Variants in TSPAN9 observed in about 807,000 individuals in gnomAD.
The protein encoded by TSPAN9 is tetraspanin-9.
Under a neutral mutation model 31.0 loss-of-function variants are expected in TSPAN9, and 16 were observed. That is an observed-to-expected ratio of 0.52 (90% CI 0.35 to 0.78). TSPAN9 has a LOEUF of 0.78. TSPAN9 is among the 30% of genes least tolerant of loss of function. The pLI is 0.01. For synonymous variants in TSPAN9, 145 were observed against 121.6 expected (o/e 1.19, Z -1.27); for missense variants, 272 against 312.5 (o/e 0.87, Z 0.98).
chr12:3,270,705 C>T (rs926344920), intron 3 of TSPAN9, among the ~76,000 whole-genome samples: 21 of 152,380 alleles, frequency 1.4e-4, no homozygotes, highest in Middle Eastern at 3.4e-3. Flanking sequence ...TATCCCACCA[C>T]GCAGGGCCCT....
intron 2 of TSPAN9, among the ~76,000 whole-genome samples, chr12:3,106,596 C>G (rs1163924307): frequency 1.3e-5 from 2 of 152,082 alleles, no homozygotes; most frequent in Non-Finnish European, 2.9e-5. Context: ...ATAATGAGAA[C>G]CCTGTCTCTG....
intron 3 of TSPAN9, among the ~76,000 whole-genome samples, chr12:3,238,267 C>G (rs1386228438): frequency 1.3e-5 from 2 of 152,206 alleles, no homozygotes; most frequent in East Asian, 3.9e-4. Flanking sequence ...GCATCTGTGT[C>G]CTCTGCTGTT....
chr12:3,251,077 C>T lies in TSPAN9; in HGVS notation c.64-27344C>T, dbSNP rs114165726. ...CAGTCAGAGGCATGATCTAGTACTA[C>T]CCTCTCCCCAGGTTAGTGTCTGAAG... On this transcript the variant is annotated intron_variant, in intron 3 of 8. Coordinates refer to ENST00000011898, the MANE Select transcript of TSPAN9 (RefSeq NM_006675.5). Among the ~76,000 whole-genome samples, 1,026 of 152,324 alleles carry T rather than the reference C, an allele frequency of 6.7e-3. 7 individuals are homozygous for T. The highest frequency in any genetic ancestry group is 0.023 in the African/African-American group (955 of 41,554).
intron 2 of TSPAN9, among the ~76,000 whole-genome samples, chr12:3,118,336 C>T (rs545472000): frequency 2.4e-5 from 3 of 127,256 alleles, no homozygotes; most frequent in Admixed American, 1.0e-4. Context: ...GATCCTGGCT[C>T]GTGCAACCTC....
At chr12:3,138,889 G>A (rs548472202) in intron 2 of TSPAN9, among the ~76,000 whole-genome samples, 1 of 152,272 alleles carries the variant, frequency 6.6e-6, no homozygotes, top group African/African-American at 2.4e-5. Flanking sequence ...GGGCAGGGTG[G>A]GTCCTGGACC....
At chr12:3,182,514 GTTCATTCATTCGTCTGCCCA>G (rs1043981142) in intron 2 of TSPAN9, among the ~76,000 whole-genome samples, 1 of 151,336 alleles carries the variant, frequency 6.6e-6, no homozygotes, top group African/African-American at 2.4e-5. Context: ...CCGGGCTGCA[GTTCATTCATTCGTCTGCCCA>G]TTCATTCATT....
intron 3 of TSPAN9, among the ~76,000 whole-genome samples, chr12:3,224,369 T>G (rs1263466345): frequency 6.6e-6 from 1 of 152,204 alleles, no homozygotes; most frequent in Non-Finnish European, 1.5e-5. Flanking sequence ...GTAAGAGCCC[T>G]TGGAGATCTG....
chr12:3,136,475 A>G (rs1178114959), intron 2 of TSPAN9, among the ~76,000 whole-genome samples: 2 of 152,042 alleles, frequency 1.3e-5, no homozygotes, highest in Non-Finnish European at 2.9e-5. Context: ...TTTTTTGCAG[A>G]TGAGGAAATT....
chr12:3,225,578 C>T (rs56383158), intron 3 of TSPAN9, among the ~76,000 whole-genome samples: 8,940 of 151,992 alleles, frequency 0.059, 349 homozygotes, highest in Non-Finnish European at 0.077. Flanking sequence ...GATGGGGGAC[C>T]GTTGTTGCAT....
In TSPAN9 at chr12:3,184,768, G is replaced by A. The variant is rs778926550; in HGVS notation, c.-17-16409G>A. Among the ~76,000 whole-genome samples the A allele has an allele frequency of 8.5e-5, 13 of 152,070 alleles. 1 individual carries two copies. The highest frequency in any genetic ancestry group is 1.3e-4 in the Non-Finnish European group (9 of 68,032). On this transcript the variant is annotated intron_variant, in intron 2 of 8. Coordinates refer to ENST00000011898, the MANE Select transcript of TSPAN9 (RefSeq NM_006675.5). ...TTGGGGATGGGAATAGCTTGCACCC[G>A]GAGTTCCTGTTCTGTGCGTTCCTTC...
At chr12:3,208,951 G>A (rs996616457) in intron 3 of TSPAN9, among the ~76,000 whole-genome samples, 23 of 152,312 alleles carry the variant, frequency 1.5e-4, no homozygotes, top group Admixed American at 9.8e-4. Flanking sequence ...AAAATTCGGC[G>A]TTGTGCCAGG....
intron 2 of TSPAN9, among the ~76,000 whole-genome samples, chr12:3,159,622 T>A (rs2098343992): frequency 6.6e-6 from 1 of 152,134 alleles, no homozygotes. Context: ...ATCCCAGCAC[T>A]TTGGGATGCC....
At chr12:3,123,223 C>T (rs2098325915) in intron 2 of TSPAN9, among the ~76,000 whole-genome samples, 1 of 152,228 alleles carries the variant, frequency 6.6e-6, no homozygotes, top group South Asian at 2.1e-4. Context: ...CCCTCACCTG[C>T]ATCCAAGCTG....
At chr12:3,093,886 A>AT (rs2098306352) in intron 2 of TSPAN9, among the ~76,000 whole-genome samples, 1 of 152,212 alleles carries the variant, frequency 6.6e-6, no homozygotes, top group South Asian at 2.1e-4. Flanking sequence ...TTTTAAAGAC[A>AT]GGGTCTCGCT....
chr12:3,249,784 A>C (rs1862213239), intron 3 of TSPAN9, among the ~76,000 whole-genome samples: 1 of 152,160 alleles, frequency 6.6e-6, no homozygotes, highest in Non-Finnish European at 1.5e-5. Context: ...ATTTGTTCAA[A>C]GCCTCTGAGT....
intron 3 of TSPAN9, among the ~76,000 whole-genome samples, chr12:3,206,083 C>T (rs1314122668): frequency 1.3e-5 from 2 of 152,332 alleles, no homozygotes; most frequent in African/African-American, 2.4e-5. Context: ...CCGCTGGGCC[C>T]TCCACCCTGG....
intron 3 of TSPAN9, 124 bp from the exon 4 acceptor site, chr12:3,278,297 T>C: frequency 7.2e-7 from 1 of 1,388,380 alleles, no homozygotes. Flanking sequence ...GTAGTCCCGT[T>C]CTCACCTTGT....
chr12:3,265,339 C>T (rs988703315), intron 3 of TSPAN9, among the ~76,000 whole-genome samples: 1 of 152,200 alleles, frequency 6.6e-6, no homozygotes, highest in Non-Finnish European at 1.5e-5. Context: ...CCAGTGTTTT[C>T]ACCTGTAAAA....
intron 7 of TSPAN9, 118 bp downstream of exon 7, chr12:3,281,447 G>C (rs953203092): frequency 5.7e-6 from 8 of 1,408,530 alleles, no homozygotes; most frequent in Non-Finnish European, 7.4e-6. Context: ...ATGTGGCGGT[G>C]GGGGGCTCAC....
Sources: allele counts gnomAD v4.1 joint callset (sites outside exome capture counted in the v4.1 genomes callset), GRCh38; gene constraint gnomAD v4.1.1; transcripts MANE v1.5; gene names NCBI Gene and HGNC (gene_info 2026-07-23, HGNC 2026-07-21).